FRZB: variants seen among roughly 807,000 people sequenced by gnomAD.
The protein encoded by FRZB is secreted frizzled-related protein 3.
FRZB carries 34 observed loss-of-function variants against 32.5 expected under a neutral mutation model. That is an observed-to-expected ratio of 1.05 (90% CI 0.80 to 1.39). The LOEUF (loss-of-function observed/expected upper bound fraction) is 1.39. FRZB is among the 40% of genes most tolerant of loss of function. The pLI is 0.00. For synonymous variants in FRZB, 170 were observed against 159.2 expected, an observed-to-expected ratio of 1.07 and a Z score of -0.51; for missense variants, 423 against 424.8, an observed-to-expected ratio of 1.00 and a Z score of 0.04.
chr2:182,842,899 A>G (rs75945141), intron 2 of FRZB, among the ~76,000 whole-genome samples: 2 of 152,306 alleles, frequency 1.3e-5, no homozygotes, highest in Non-Finnish European at 2.9e-5. Flanking sequence ...ACTGGGAGGC[A>G]ATTTTCTGCC....
rs190280366 is a variant in FRZB at position 182,852,785 on chromosome 2, A to T, written c.526+6001T>A. Among the ~76,000 whole-genome samples the T allele has an allele frequency of 9.8e-5, 15 of 152,370 alleles. No homozygotes were observed. The East Asian group carries it at 2.7e-3, about 27-fold the overall frequency. On this transcript the variant is annotated intron_variant, in intron 2 of 5. Coordinates refer to ENST00000295113, the MANE Select transcript of FRZB (RefSeq NM_001463.4). Reference sequence around the variant, plus strand: ...ATTACACGCTATGGAAATAAAGAGCATCTATTCCTTATTACAATAGTGAAT... The same window carrying T: ...ATTACACGCTATGGAAATAAAGAGCTTCTATTCCTTATTACAATAGTGAAT...
intron 2 of FRZB, among the ~76,000 whole-genome samples, chr2:182,846,309 A>G (rs781328729): frequency 6.6e-6 from 1 of 152,136 alleles, no homozygotes; most frequent in Non-Finnish European, 1.5e-5. Context: ...TTGAAATTGA[A>G]TGCTTTTGGG....
chr2:182,845,994 G>C (rs1457605705), intron 2 of FRZB, among the ~76,000 whole-genome samples: 1 of 152,198 alleles, frequency 6.6e-6, no homozygotes, highest in South Asian at 2.1e-4. Context: ...CATGATACAC[G>C]CAGTGCCCGA....
intron 3 of FRZB, among the ~76,000 whole-genome samples, chr2:182,841,820 A>G (rs1559047157): frequency 1.3e-5 from 2 of 152,190 alleles, no homozygotes; most frequent in Admixed American, 6.5e-5. Context: ...AAAATTAAAG[A>G]TAATGTATGG....
At chr2:182,864,454 G>C (rs539531537) in intron 1 of FRZB, among the ~76,000 whole-genome samples, 1 of 152,312 alleles carries the variant, frequency 6.6e-6, no homozygotes, top group East Asian at 1.9e-4. Flanking sequence ...TGTGACTTTA[G>C]TGAGTACGAA....
chr2:182,845,171 T>C (rs909196639), intron 2 of FRZB, among the ~76,000 whole-genome samples: 4 of 152,176 alleles, frequency 2.6e-5, no homozygotes, highest in Non-Finnish European at 4.4e-5. Flanking sequence ...CTCATCTGAA[T>C]TATGTTTACA....
intron 2 of FRZB, 126 bp from the exon 3 acceptor site, chr2:182,842,669 GTGTCTGAATT>G: frequency 1.5e-6 from 1 of 654,114 alleles, no homozygotes; most frequent in Admixed American, 2.7e-5. Flanking sequence ...TCAATTCTGT[GTGTCTGAATT>G]TTTTCTCCTG....
intron 5 of FRZB, among the ~76,000 whole-genome samples, chr2:182,837,041 G>A (rs1268716153): frequency 6.6e-6 from 1 of 151,964 alleles, no homozygotes. Context: ...CTTGCAGAAG[G>A]AAGAGGATGT....
At chr2:182,840,966 T>C (rs1039362288) in intron 3 of FRZB, among the ~76,000 whole-genome samples, 2 of 152,140 alleles carry the variant, frequency 1.3e-5, no homozygotes, top group Non-Finnish European at 2.9e-5. Context: ...AATTGATATG[T>C]TTTTATTCTT....
chr2:182,841,995 C>A (rs1021352713), intron 3 of FRZB, among the ~76,000 whole-genome samples: 3 of 152,146 alleles, frequency 2.0e-5, no homozygotes, highest in Non-Finnish European at 2.9e-5. Flanking sequence ...TCGCTGAATA[C>A]CAGCAACTTC....
intron 2 of FRZB, among the ~76,000 whole-genome samples, chr2:182,849,642 T>A (rs758721084): frequency 2.4e-4 from 36 of 152,212 alleles, no homozygotes; most frequent in Non-Finnish European, 8.8e-5. Context: ...TTGCTCAACT[T>A]AGCTGTAAAA....
chr2:182,847,661 G>A (rs1019076430), intron 2 of FRZB, among the ~76,000 whole-genome samples: 1 of 152,158 alleles, frequency 6.6e-6, no homozygotes, highest in South Asian at 2.1e-4. Context: ...CTTTCCAATG[G>A]CTTTTACCTT....
chr2:182,847,982 A>C (rs1695664569), intron 2 of FRZB, among the ~76,000 whole-genome samples: 1 of 152,002 alleles, frequency 6.6e-6, no homozygotes, highest in Admixed American at 6.5e-5. Context: ...TCAGTATTGC[A>C]GTAGACCATG....
chr2:182,837,199 A>T (rs548855865), intron 5 of FRZB, among the ~76,000 whole-genome samples: 69 of 151,332 alleles, frequency 4.6e-4, no homozygotes, highest in South Asian at 2.3e-3. Context: ...TCTATAATAC[A>T]GTACTGTACT....
intron 2 of FRZB, among the ~76,000 whole-genome samples, chr2:182,855,614 A>G (rs575764131): frequency 6.6e-6 from 1 of 152,340 alleles, no homozygotes; most frequent in African/African-American, 2.4e-5. Flanking sequence ...AAGAGAGAAA[A>G]AAGATTAGGA....
intron 2 of FRZB, among the ~76,000 whole-genome samples, chr2:182,849,625 G>C (rs1197971563): frequency 1.3e-5 from 2 of 152,206 alleles, no homozygotes; most frequent in Non-Finnish European, 2.9e-5. Flanking sequence ...CAAAGTAAAA[G>C]TAACATTTGC....
intron 2 of FRZB, among the ~76,000 whole-genome samples, chr2:182,853,982 A>C (rs1200271357): frequency 6.6e-6 from 1 of 152,238 alleles, no homozygotes; most frequent in African/African-American, 2.4e-5. Context: ...ATAGCAATTA[A>C]AGTGAAAAAC....
At chr2:182,862,171 T>C (rs946385983) in intron 1 of FRZB, among the ~76,000 whole-genome samples, 4 of 152,240 alleles carry the variant, frequency 2.6e-5, no homozygotes, top group African/African-American at 7.2e-5. Flanking sequence ...TGGCAGCTCC[T>C]GCATATGAAA....
chr2:182,859,588 G>A (rs1054157262), intron 1 of FRZB, among the ~76,000 whole-genome samples: 4 of 152,176 alleles, frequency 2.6e-5, no homozygotes, highest in African/African-American at 9.6e-5. Flanking sequence ...TTTTACATTT[G>A]TAGTAACACT....
Sources: allele counts gnomAD v4.1 joint callset (sites outside exome capture counted in the v4.1 genomes callset), GRCh38; gene constraint gnomAD v4.1.1; transcripts MANE v1.5; gene names NCBI Gene and HGNC (gene_info 2026-07-23, HGNC 2026-07-21).